Variants in MSRB3 observed in about 807,000 individuals in gnomAD.
MSRB3 encodes the protein methionine-R-sulfoxide reductase B3.
A neutral mutation model predicts 21.0 loss-of-function variants in MSRB3; 13 were observed. That is an observed-to-expected ratio of 0.62 (90% CI 0.40 to 0.98). MSRB3 has a LOEUF of 0.98. Among genes scored for constraint, MSRB3 ranks in the 50% least tolerant of loss-of-function variants. The pLI is 0.00. For missense variants in MSRB3, 199 were observed against 230.3 expected, an observed-to-expected ratio of 0.86 and a Z score of 0.88; for synonymous variants, 87 against 88.6, an observed-to-expected ratio of 0.98 and a Z score of 0.10.
chr12:65,341,386 T>C (rs1876129357), intron 4 of MSRB3, among the ~76,000 whole-genome samples: 1 of 148,350 alleles, frequency 6.7e-6, no homozygotes, highest in Non-Finnish European at 1.5e-5. Flanking sequence ...AGAGAGAGAG[T>C]AGAAGGATGG....
At chr12:65,323,997 G>T (rs748872141) in intron 2 of MSRB3, among the ~76,000 whole-genome samples, 5 of 152,234 alleles carry the variant, frequency 3.3e-5, no homozygotes, top group Middle Eastern at 3.4e-3. Context: ...TTTGGTATTA[G>T]ATATACTTTG....
intron 2 of MSRB3, among the ~76,000 whole-genome samples, chr12:65,322,082 A>G (rs1433396906): frequency 6.6e-6 from 1 of 152,184 alleles, no homozygotes; most frequent in Non-Finnish European, 1.5e-5. Flanking sequence ...TCTAAGGTTT[A>G]GGTAACAGAT....
intron 2 of MSRB3, among the ~76,000 whole-genome samples, chr12:65,315,304 A>G (rs988061051): frequency 6.6e-6 from 1 of 152,096 alleles, no homozygotes; most frequent in South Asian, 2.1e-4. Context: ...TCAATTTCCT[A>G]TATATTTTTA....
chr12:65,346,682 T>A (rs1034501820), intron 4 of MSRB3, among the ~76,000 whole-genome samples: 3 of 152,150 alleles, frequency 2.0e-5, no homozygotes, highest in Admixed American at 6.6e-5. Flanking sequence ...CTGAATGGTA[T>A]TGCCTAGATT....
intron 5 of MSRB3, among the ~76,000 whole-genome samples, chr12:65,373,970 T>C (rs1261838259): frequency 6.6e-6 from 1 of 152,150 alleles, no homozygotes; most frequent in African/African-American, 2.4e-5. Flanking sequence ...AGAGTGGGGC[T>C]GTTAAGGTAG....
At chr12:65,345,935 G>A (rs1463668581) in intron 4 of MSRB3, among the ~76,000 whole-genome samples, 2 of 152,048 alleles carry the variant, frequency 1.3e-5, no homozygotes, top group Admixed American at 1.3e-4. Flanking sequence ...TGGCTGCATG[G>A]TATTCCATGG....
chr12:65,337,267 A>C lies in MSRB3; in HGVS notation c.263+8664A>C, dbSNP rs186674579. 1.0e-3 allele frequency among the ~76,000 whole-genome samples: 155 copies of C among 147,840 alleles called. 2 individuals are homozygous for C. In the East Asian group the frequency reaches 0.028, roughly 27 times the overall value. ...CAAAAAAAACAAAAAACAAAACAAAACAAAAAAAAACCAAAAATCAGCTGG... is the reference window on the plus strand; with the variant it reads ...CAAAAAAAACAAAAAACAAAACAAACCAAAAAAAAACCAAAAATCAGCTGG... On this transcript the variant is annotated intron_variant, in intron 4 of 6. Transcript: ENST00000308259.
intron 5 of MSRB3, among the ~76,000 whole-genome samples, chr12:65,371,292 C>T (rs1878304490): frequency 7.0e-6 from 1 of 142,708 alleles, no homozygotes; most frequent in African/African-American, 2.7e-5. Flanking sequence ...TCTGCCACTG[C>T]ACTCCAGCCT....
chr12:65,396,142 T>C (rs1215403867), intron 5 of MSRB3, among the ~76,000 whole-genome samples: 2 of 152,206 alleles, frequency 1.3e-5, no homozygotes. Flanking sequence ...TTCAATGCTA[T>C]AATTTTCCTA....
chr12:65,437,779 C>G (rs1036811548), intron 5 of MSRB3, among the ~76,000 whole-genome samples: 2 of 151,934 alleles, frequency 1.3e-5, no homozygotes, highest in African/African-American at 4.8e-5. Flanking sequence ...TTTCCCTTGT[C>G]AGTGGTTGAT....
At chr12:65,432,037 A>G (rs912574264) in intron 5 of MSRB3, among the ~76,000 whole-genome samples, 1 of 152,026 alleles carries the variant, frequency 6.6e-6, no homozygotes, top group African/African-American at 2.4e-5. Flanking sequence ...CTAAAATTTT[A>G]CCCCAAAAGC....
intron 6 of MSRB3, among the ~76,000 whole-genome samples, chr12:65,461,542 C>T (rs1050920828): frequency 6.6e-6 from 1 of 152,108 alleles, no homozygotes; most frequent in Non-Finnish European, 1.5e-5. Context: ...CATGGAAGTG[C>T]CATACAGTCA....
chr12:65,284,634 A>G (rs547462944), intron 1 of MSRB3: 3 of 152,392 alleles, frequency 2.0e-5, no homozygotes, highest in South Asian at 4.1e-4. Context: ...TAAAACATGT[A>G]TGAGTAAGGA....
At chr12:65,316,320 G>A (rs1434003382) in intron 2 of MSRB3, 1 of 152,012 alleles carries the variant, frequency 6.6e-6, no homozygotes, top group Non-Finnish European at 1.5e-5. Flanking sequence ...TTTGTTCTGT[G>A]CAATTTAAGT....
chr12:65,380,499 C>T (rs532076540), intron 5 of MSRB3, among the ~76,000 whole-genome samples: 9 of 152,042 alleles, frequency 5.9e-5, no homozygotes, highest in Admixed American at 1.3e-4. Flanking sequence ...TGCTTGAACC[C>T]GGGAGGTGGA....
At chr12:65,314,078 A>C (rs11612273) in intron 2 of MSRB3, among the ~76,000 whole-genome samples, 35,970 of 152,092 alleles carry the variant, frequency 0.24, 4,945 homozygotes, top group Admixed American at 0.34. Flanking sequence ...TGTAGAGCAC[A>C]AAACCTTTTT....
chr12:65,315,635 T>C (rs1206404966), intron 2 of MSRB3, among the ~76,000 whole-genome samples: 1 of 128,436 alleles, frequency 7.8e-6, no homozygotes, highest in Non-Finnish European at 1.5e-5. Flanking sequence ...ATGATTGCAC[T>C]CCAGCCTGGG....
chr12:65,451,322 A>T (rs1882849563), intron 5 of MSRB3, among the ~76,000 whole-genome samples: 1 of 152,164 alleles, frequency 6.6e-6, no homozygotes, highest in Non-Finnish European at 1.5e-5. Flanking sequence ...GTAAACAACA[A>T]ACTATTCAAG....
chr12:65,376,485 A>G (rs962817197), intron 5 of MSRB3, among the ~76,000 whole-genome samples: 2 of 152,166 alleles, frequency 1.3e-5, no homozygotes, highest in Admixed American at 1.3e-4. Flanking sequence ...GTGGCAGCCA[A>G]TTTACTTGGG....
Sources: allele counts gnomAD v4.1 joint callset (sites outside exome capture counted in the v4.1 genomes callset), GRCh38; gene constraint gnomAD v4.1.1; transcripts MANE v1.5; gene names NCBI Gene and HGNC (gene_info 2026-07-23, HGNC 2026-07-21).